SDK2: variants seen among roughly 807,000 people sequenced by gnomAD.
The protein encoded by SDK2 is sidekick cell adhesion molecule 2.
SDK2 carries 105 observed loss-of-function variants against 253.9 expected under a neutral mutation model. The observed-to-expected ratio is 0.41, with a 90% CI of 0.35 to 0.49. SDK2 has a LOEUF of 0.49. Among genes scored for constraint, SDK2 ranks in the 20% least tolerant of loss-of-function variants. The probability of loss-of-function intolerance (pLI) is 0.06; values close to 1 mark genes in which losing one functional copy is unlikely to be tolerated. For synonymous variants in SDK2, 1,249 were observed against 1,234.9 expected (o/e 1.01, Z -0.24); for missense variants, 2,608 against 3,003.0 (o/e 0.87, Z 3.07).
chr17:73,544,863 G>T (rs1189688170), intron 1 of SDK2, among the ~76,000 whole-genome samples: 1 of 152,170 alleles, frequency 6.6e-6, no homozygotes, highest in Middle Eastern at 3.2e-3. Context: ...AGGCTGCTGG[G>T]GCGGCAGGTC....
intron 1 of SDK2, among the ~76,000 whole-genome samples, chr17:73,578,214 C>T (rs990378574): frequency 1.6e-4 from 24 of 152,108 alleles, no homozygotes; most frequent in African/African-American, 5.1e-4. Context: ...CACACACCAC[C>T]ATACCTGGCT....
chr17:73,473,099 C>T (rs1000951080), intron 2 of SDK2, among the ~76,000 whole-genome samples: 1 of 152,174 alleles, frequency 6.6e-6, no homozygotes, highest in Non-Finnish European at 1.5e-5. Context: ...TGGGCAGAGC[C>T]TTCTGAATAA....
chr17:73,525,706 C>T (rs1463761799), intron 1 of SDK2, among the ~76,000 whole-genome samples: 1 of 152,080 alleles, frequency 6.6e-6, no homozygotes, highest in East Asian at 1.9e-4. Context: ...AGAAGTAATT[C>T]CCTCCCTTTT....
intron 1 of SDK2, among the ~76,000 whole-genome samples, chr17:73,575,976 C>T (rs1020073864): frequency 2.6e-5 from 4 of 152,146 alleles, no homozygotes; most frequent in African/African-American, 9.7e-5. Flanking sequence ...CAGCACTGAG[C>T]TGGGGGCCGT....
rs547981224 is a variant in SDK2, at chr17:73,360,100, C to T, written c.5467+1584G>A. Among the ~76,000 whole-genome samples the T allele has an allele frequency of 6.2e-4, 95 of 152,364 alleles. 2 individuals carry two copies. The highest frequency in any genetic ancestry group is 4.8e-3 in the South Asian group (23 of 4,834). ...TCTCCTGTCCCCAGGCCACTGCCAA[C>T]GCTTGGTCCTCAGTTGCTTGCCAGC... On this transcript the variant is annotated intron_variant, in intron 39 of 44. Transcript: ENST00000392650.
intron 1 of SDK2, among the ~76,000 whole-genome samples, chr17:73,564,373 T>A (rs1256840165): frequency 1.3e-5 from 2 of 152,164 alleles, no homozygotes; most frequent in African/African-American, 4.8e-5. Flanking sequence ...TTGAGTCCAT[T>A]TCTGCTTAAA....
chr17:73,588,531 T>A (rs2045637592), intron 1 of SDK2, among the ~76,000 whole-genome samples: 1 of 152,246 alleles, frequency 6.6e-6, no homozygotes, highest in Admixed American at 6.5e-5. Flanking sequence ...ACAGTGAAGT[T>A]TGAGAACCAG....
At chr17:73,345,825 G>A (rs148536987) in intron 44 of SDK2, among the ~76,000 whole-genome samples, 14 of 152,162 alleles carry the variant, frequency 9.2e-5, no homozygotes, top group Non-Finnish European at 1.6e-4. Flanking sequence ...TGTCATTCAC[G>A]AACAATCCTT....
chr17:73,527,865 G>A (rs887635560), intron 1 of SDK2, among the ~76,000 whole-genome samples: 7 of 152,300 alleles, frequency 4.6e-5, no homozygotes, highest in African/African-American at 1.4e-4. Context: ...TGATGCTGAG[G>A]GGAGAGGAGG....
At chr17:73,347,150 C>T (rs1440681514) in intron 44 of SDK2, among the ~76,000 whole-genome samples, 3 of 152,152 alleles carry the variant, frequency 2.0e-5, no homozygotes, top group African/African-American at 7.2e-5. Flanking sequence ...CACTTGAGGT[C>T]AGGCATTTGA....
At chr17:73,626,321 C>T (rs1245392680) in intron 1 of SDK2, among the ~76,000 whole-genome samples, 2 of 152,202 alleles carry the variant, frequency 1.3e-5, no homozygotes, top group Non-Finnish European at 2.9e-5. Flanking sequence ...GGCCAGTTGT[C>T]TTCAGGGCCC....
chr17:73,569,202 T>TTC (rs1414248148), intron 1 of SDK2, among the ~76,000 whole-genome samples: 1 of 149,220 alleles, frequency 6.7e-6, no homozygotes, highest in African/African-American at 2.4e-5. Context: ...TTCTTTTCTT[T>TTC]TTTTTTTTTT....
chr17:73,455,952 C>T lies in SDK2; in HGVS notation c.433G>A (p.Val145Met), dbSNP rs1471212179. The T allele has an allele frequency of 1.9e-6, 3 of 1,548,320 alleles. No individual in the cohort carries two copies. The highest frequency in any genetic ancestry group is 2.6e-6 in the Non-Finnish European group (3 of 1,146,378). Residue 145 changes from valine to methionine, a missense_variant, in exon 4 of 45, where the codon GTG (valine) becomes ATG (methionine). Coordinates refer to ENST00000392650, the MANE Select transcript of SDK2 (RefSeq NM_001144952.2). The surrounding 1 kb of genome is among the most constrained non-coding windows in gnomAD (Gnocchi z 5.0). ...PRIASFPQPQ[V>M]TWFRDGRKIP... ...TTGCGGCCGTCCCGGAACCAGGTCA[C>T]CTGTGGCTGGGGGAAGCTGGCGATG...
chr17:73,426,826 C>T (rs1223954412), intron 12 of SDK2, among the ~76,000 whole-genome samples: 1 of 152,090 alleles, frequency 6.6e-6, no homozygotes, highest in East Asian at 1.9e-4. Context: ...GTGGCTCATG[C>T]CTGTAATCCT....
chr17:73,564,078 G>A (rs2045277387), intron 1 of SDK2, among the ~76,000 whole-genome samples: 1 of 152,102 alleles, frequency 6.6e-6, no homozygotes, highest in African/African-American at 2.4e-5. Context: ...CCAGCCCCCA[G>A]TAAATCTTTT....
chr17:73,492,574 C>T (rs1405846231), intron 2 of SDK2, among the ~76,000 whole-genome samples: 1 of 152,190 alleles, frequency 6.6e-6, no homozygotes, highest in Non-Finnish European at 1.5e-5. Context: ...ACAGAACACA[C>T]CAGCATCTCT....
chr17:73,641,583 A>AC (rs1269018241), intron 1 of SDK2, among the ~76,000 whole-genome samples: 1 of 142,388 alleles, frequency 7.0e-6, no homozygotes, highest in Admixed American at 7.3e-5. Context: ...TCCAGCACCC[A>AC]CCCCCCATCC....
chr17:73,429,645 C>T (rs577573446), intron 12 of SDK2, among the ~76,000 whole-genome samples: 49 of 152,332 alleles, frequency 3.2e-4, no homozygotes, highest in Middle Eastern at 3.4e-3. Flanking sequence ...CTTCTAGCCT[C>T]GGTGCCAGTT....
rs1317959718 is a variant in SDK2 at position 73,385,906 on chromosome 17, C to T, written c.4510G>A (p.Ala1504Thr). The T allele has an allele frequency of 6.2e-7, 1 of 1,605,622 alleles. No homozygotes were observed. Among genetic ancestry groups the T allele is most frequent in the South Asian group, 1.1e-5 (1 of 88,744 alleles). ...LTTLQAAPDE[A>T]PTILSVTPHT... ...GGCGTCACGGAGAGGATGGTGGGTG[C>T]TTCATCGGGGGCTGTGGAGAGAAGC... Residue 1504 changes from alanine (A) to threonine (T), a missense_variant, in exon 32 of 45, where the codon GCA becomes ACA. By Grantham distance (58) the Ala-to-Thr change is moderately conservative (BLOSUM62 0). Around this residue, in one of 2 missense-constraint regions of SDK2, gnomAD observed 1,103 missense variants for 1,143.9 expected, o/e 0.96. Coordinates refer to ENST00000392650, the MANE Select transcript of SDK2 (RefSeq NM_001144952.2).
Sources: allele counts gnomAD v4.1 joint callset (sites outside exome capture counted in the v4.1 genomes callset), GRCh38; gene constraint gnomAD v4.1.1; regional missense constraint gnomAD v4.1.1; non-coding constraint Gnocchi (gnomAD v3.1); transcripts MANE v1.5; gene names NCBI Gene and HGNC (gene_info 2026-07-23, HGNC 2026-07-21).